The following LAMA1 variants were observed in gnomAD, a reference collection of about 807,000 sequenced individuals.
The protein encoded by LAMA1 is laminin subunit alpha-1.
LAMA1 carries 219 observed loss-of-function variants against 348.7 expected under a neutral mutation model. That is an observed-to-expected ratio of 0.63 (90% CI 0.56 to 0.70). LAMA1 has a LOEUF of 0.70. Ranked by LOEUF, LAMA1 falls within the 30% of genes least tolerant of loss-of-function variation. The pLI is 0.00. For synonymous variants in LAMA1, 1,487 were observed against 1,491.0 expected, an observed-to-expected ratio of 1.00 and a Z score of 0.06; for missense variants, 3,744 against 3,888.0, an observed-to-expected ratio of 0.96 and a Z score of 0.99.
chr18:7,073,590 C>T (rs1328206307), intron 3 of LAMA1, among the ~76,000 whole-genome samples: 2 of 152,124 alleles, frequency 1.3e-5, no homozygotes, highest in Non-Finnish European at 2.9e-5. Flanking sequence ...GTCAAAATTT[C>T]ATTCCTTTTT....
Position 7,046,156 on chromosome 18 carries a change from GT to G in LAMA1, c.858+121del, listed in dbSNP as rs2058041192. On this transcript the variant is annotated intron_variant, in intron 6 of 62. Transcript: ENST00000389658. ...ACACAAGTTAAATTTCTGAAAATCT[GT>G]TTTTTTGGAGCATAATTTTATACCT... The G allele has an allele frequency of 2.3e-5, 15 of 646,976 alleles. No individual in the cohort carries two copies. In the East Asian group the frequency reaches 2.6e-4, roughly 11 times the overall value. 40.1% of individuals were successfully genotyped at this position (646,976 alleles called of 1,614,324 possible). A position where few individuals can be genotyped will look rare whatever the true frequency, so the allele number is the denominator to read the frequency against.
rs2057885123 is a variant in LAMA1, at chr18:7,015,815, A to G, written c.3033T>C (p.Thr1011=). The G allele has an allele frequency of 6.2e-7, 1 of 1,613,902 alleles. No homozygotes were observed. The highest frequency in any genetic ancestry group is 8.5e-7 in the Non-Finnish European group (1 of 1,180,022). Residue 1011 remains threonine (T), a synonymous_variant, in exon 22 of 63, where the codon ACT becomes ACC. Transcript: ENST00000389658. ...TGTGAGGGGGGCAGACACACTCTCC[A>G]GTTTCTGGGTCGCAGGTATTCTGAG... ...PHTQNTCDPE[T]GECVCPPHTQ... is the part of the protein sequence containing the mutation.
chr18:7,025,137 C>CT (rs2057936617), intron 17 of LAMA1, among the ~76,000 whole-genome samples: 1 of 152,176 alleles, frequency 6.6e-6, no homozygotes, highest in Non-Finnish European at 1.5e-5. Flanking sequence ...GAGACAGAGG[C>CT]TTTTAAGCTG....
At chr18:6,974,274 T>C (rs1267671478) in intron 46 of LAMA1, among the ~76,000 whole-genome samples, 3 of 152,098 alleles carry the variant, frequency 2.0e-5, no homozygotes, top group African/African-American at 7.2e-5. Flanking sequence ...CAAATTATAG[T>C]TGTATATACT....
At chr18:6,957,361 G>A in intron 55 of LAMA1, 1 of 157,552 alleles carries the variant, frequency 6.3e-6, no homozygotes, top group East Asian at 1.8e-4. Context: ...ATGAATGAAT[G>A]AATGAATGAA....
intron 14 of LAMA1, among the ~76,000 whole-genome samples, 171 bp from the exon 15 acceptor site, chr18:7,033,266 A>C (rs1243398383): frequency 2.0e-5 from 3 of 152,110 alleles, no homozygotes; most frequent in Non-Finnish European, 1.5e-5. Flanking sequence ...AGAGATCGAG[A>C]CCATCCTGGC....
chr18:7,085,634 G>A (rs184316177), intron 1 of LAMA1, among the ~76,000 whole-genome samples: 42 of 151,888 alleles, frequency 2.8e-4, no homozygotes, highest in Admixed American at 5.9e-4. Flanking sequence ...TAGCCAGGAT[G>A]GTCTCGATCT....
In LAMA1 at chr18:7,000,020, T is replaced by G. The variant is rs1018412092; in HGVS notation, c.4383-23A>C. 4 of 1,554,550 alleles carry G rather than the reference T, an allele frequency of 2.6e-6. No individual in the cohort carries two copies. In the African/African-American group the frequency reaches 5.4e-5, roughly 21 times the overall value. ...AAACTGGAGGAAAAGAATTTCTTTT[T>G]GAATTTTCAGATATACAATTTCCAT... On this transcript the variant is annotated intron_variant, in intron 30 of 62. Coordinates refer to ENST00000389658, the MANE Select transcript of LAMA1 (RefSeq NM_005559.4).
chr18:6,955,837 C>T (rs567342492), intron 56 of LAMA1: 4 of 362,870 alleles, frequency 1.1e-5, no homozygotes, highest in Admixed American at 3.7e-5. Flanking sequence ...GCTGCCGAGA[C>T]GAGCTGCGGA....
intron 20 of LAMA1, 112 bp from the exon 21 acceptor site, chr18:7,016,783 T>A (rs945942194): frequency 2.0e-6 from 2 of 985,016 alleles, no homozygotes; most frequent in African/African-American, 3.3e-5. Context: ...TCATAAAGTA[T>A]TCATGACACC....
chr18:7,014,650 A>G (rs2057877962), intron 22 of LAMA1, among the ~76,000 whole-genome samples: 1 of 152,048 alleles, frequency 6.6e-6, no homozygotes, highest in African/African-American at 2.4e-5. Context: ...AATTAAAAAA[A>G]AAAAAAAAGT....
intron 1 of LAMA1, among the ~76,000 whole-genome samples, chr18:7,082,800 G>C (rs373599942): frequency 1.1e-4 from 17 of 152,250 alleles, no homozygotes; most frequent in African/African-American, 4.1e-4. Context: ...AGTCAAGCAA[G>C]AAAAAGAAAC....
intron 55 of LAMA1, 106 bp downstream of exon 55, chr18:6,958,371 G>C: frequency 7.9e-7 from 1 of 1,260,924 alleles, no homozygotes; most frequent in Non-Finnish European, 1.2e-6. Context: ...TTGGGAATTT[G>C]CAAAGTTTTC....
At chr18:7,054,439 C>G (rs1190448417) in intron 3 of LAMA1, among the ~76,000 whole-genome samples, 1 of 152,136 alleles carries the variant, frequency 6.6e-6, no homozygotes, top group South Asian at 2.1e-4. Flanking sequence ...TGACAGTAAA[C>G]TTAGATTACT....
At chr18:7,081,411 A>T (rs1233774648) in intron 1 of LAMA1, among the ~76,000 whole-genome samples, 1 of 151,852 alleles carries the variant, frequency 6.6e-6, no homozygotes, top group African/African-American at 2.4e-5. Flanking sequence ...ATTATCTAGG[A>T]TTTTTTTTGT....
intron 35 of LAMA1, 130 bp from the exon 36 acceptor site, chr18:6,992,850 C>G: frequency 1.4e-6 from 1 of 717,122 alleles, no homozygotes; most frequent in Non-Finnish European, 2.4e-6. Flanking sequence ...CATGTCAGGC[C>G]AGGCCACCTG....
chr18:6,979,878 G>A (rs563118362), intron 42 of LAMA1, among the ~76,000 whole-genome samples: 22 of 152,302 alleles, frequency 1.4e-4, no homozygotes, highest in Middle Eastern at 3.4e-3. Context: ...CAGCCTGGGC[G>A]ACAGAGCGAG....
At chr18:7,099,147 C>G (rs539922922) in intron 1 of LAMA1, among the ~76,000 whole-genome samples, 36 of 151,502 alleles carry the variant, frequency 2.4e-4, no homozygotes, top group Non-Finnish European at 4.4e-4. Flanking sequence ...GCCTTGGGAT[C>G]CTGTTGATCT....
At chr18:7,074,748 C>T (rs1294146048) in intron 3 of LAMA1, among the ~76,000 whole-genome samples, 4 of 151,896 alleles carry the variant, frequency 2.6e-5, no homozygotes, top group Non-Finnish European at 5.9e-5. Flanking sequence ...GACAGTGTAT[C>T]TTCTAAAATA....
Sources: allele counts gnomAD v4.1 joint callset (sites outside exome capture counted in the v4.1 genomes callset), GRCh38; gene constraint gnomAD v4.1.1; transcripts MANE v1.5; gene names NCBI Gene and HGNC (gene_info 2026-07-23, HGNC 2026-07-21).